Variants in DENND2B observed in about 807,000 individuals in gnomAD.
DENND2B encodes DENN domain-containing protein 2B.
DENND2B carries 32 observed loss-of-function variants against 116.0 expected under a neutral mutation model. The observed-to-expected ratio is 0.28, with a 90% CI of 0.21 to 0.37. The LOEUF (loss-of-function observed/expected upper bound fraction) is 0.37, where lower values mean the gene tolerates loss of function less well. Among genes scored for constraint, DENND2B ranks in the 10% least tolerant of loss-of-function variants. The pLI, the probability that DENND2B is intolerant of heterozygous loss-of-function variation, is 1.00. For synonymous variants in DENND2B, 588 were observed against 583.9 expected, an observed-to-expected ratio of 1.01 and a Z score of -0.10; for missense variants, 1,276 against 1,477.7, an observed-to-expected ratio of 0.86 and a Z score of 2.24.
intron 1 of DENND2B, among the ~76,000 whole-genome samples, chr11:8,777,218 G>A (rs1593536134): frequency 6.6e-6 from 1 of 152,134 alleles, no homozygotes; most frequent in African/African-American, 2.4e-5. Flanking sequence ...GCTGCTATGA[G>A]CTTCCAGTGT....
intron 1 of DENND2B, among the ~76,000 whole-genome samples, chr11:8,884,282 A>G (rs1375676224): frequency 4.5e-5 from 1 of 22,392 alleles, no homozygotes; most frequent in African/African-American, 5.3e-5. Flanking sequence ...CTACTAACAG[A>G]AAAAAAAAAA....
chr11:8,831,375 G>A lies in DENND2B; in HGVS notation c.-115+7935C>T, dbSNP rs367747716. On this transcript the variant is annotated intron_variant, in intron 4 of 6. Coordinates refer to the DENND2B transcript ENST00000524757. ...TAAACCCACCTTCCCCACTACTCCT[G>A]GCTTCTGGCCACTCGGGAGCAAATA... 1.2e-3 allele frequency among the ~76,000 whole-genome samples: 189 copies of A among 152,226 alleles called. 4 individuals are homozygous for A. The South Asian group carries it at 0.037, about 30-fold the overall frequency.
At chr11:8,709,929 G>C (rs963292209) in intron 11 of DENND2B, among the ~76,000 whole-genome samples, 23 of 152,142 alleles carry the variant, frequency 1.5e-4, no homozygotes, top group Non-Finnish European at 1.8e-4. Flanking sequence ...CCTCGAGAGG[G>C]AGATCCATGT....
chr11:8,876,098 A>T (rs575780144), upstream of DENND2B, among the ~76,000 whole-genome samples: 1 of 152,320 alleles, frequency 6.6e-6, no homozygotes, highest in South Asian at 2.1e-4. Flanking sequence ...ATTAAGATAT[A>T]CTATAGGCCG....
chr11:8,726,144 T>G lies in DENND2B; in HGVS notation c.1406A>C (p.Asn469Thr). The G allele has an allele frequency of 3.7e-6, 6 of 1,614,174 alleles. No individual in the cohort carries two copies. Among genetic ancestry groups the G allele is most frequent in the Non-Finnish European group, 5.1e-6 (6 of 1,180,012 alleles). The change falls in exon 4 of 20, where the codon AAT becomes ACT. Residue 469 changes from asparagine (N) to threonine (T), a missense_variant. By Grantham distance (65) the Asn-to-Thr change is moderately conservative. Coordinates refer to ENST00000313726, the MANE Select transcript of DENND2B (RefSeq NM_213618.2). ...AAACTTGGGTTGGTTCTCAGTACCA[T>G]TCTCAGTGGGAGAAGAGGGGTACAG... ...QSLYPSSPTE[N>T]GTENQPKFGS...
chr11:8,780,795 T>C (rs2058295806), intron 1 of DENND2B, among the ~76,000 whole-genome samples: 2 of 152,138 alleles, frequency 1.3e-5, no homozygotes, highest in African/African-American at 4.8e-5. Context: ...GTTCAAGTGG[T>C]CCACGAGGGC....
chr11:8,714,140 T>A, intron 7 of DENND2B, 98 bp from the exon 8 acceptor site: 1 of 1,245,724 alleles, frequency 8.0e-7, no homozygotes, highest in Non-Finnish European at 1.2e-6. Flanking sequence ...GATGGATCTC[T>A]ACCTTCTCTG....
At position 8,730,834 on chromosome 11, in the gene DENND2B, C is replaced by T. The variant is rs1223409087; in HGVS notation, c.456G>A (p.Leu152=). The change falls in exon 3 of 20, where the codon CTG becomes CTA. Residue 152 remains leucine, a synonymous_variant. Coordinates refer to ENST00000313726, the MANE Select transcript of DENND2B (RefSeq NM_213618.2). This position sits in a 1 kb window ranked among gnomAD's most constrained non-coding sequence, Gnocchi z 4.1. Reference sequence around the variant, plus strand: ...TGTGGGCGCGGGTACCGGTACGGGTCAGCAAGACGCCCCGGGGGCCAGCTG... The same window carrying T: ...TGTGGGCGCGGGTACCGGTACGGGTTAGCAAGACGCCCCGGGGGCCAGCTG... ...GPAAGPRGVL[L]TRTGTRAHSL... 6.2e-7 allele frequency: 1 copy of T among 1,613,286 alleles called. No homozygotes were observed. Among genetic ancestry groups the T allele is most frequent in the East Asian group, 2.2e-5 (1 of 44,856 alleles).
chr11:8,881,736 TCAC>T (rs2134728578), intron 1 of DENND2B, among the ~76,000 whole-genome samples: 1 of 152,282 alleles, frequency 6.6e-6, no homozygotes, highest in East Asian at 1.9e-4. Flanking sequence ...AGACAGGATT[TCAC>T]CACGTTGGCC....
At chr11:8,749,570 G>A (rs1456948639) in intron 2 of DENND2B, among the ~76,000 whole-genome samples, 1 of 152,172 alleles carries the variant, frequency 6.6e-6, no homozygotes, top group Non-Finnish European at 1.5e-5. Flanking sequence ...CACTCCCCAG[G>A]GGCTACATCC....
chr11:8,868,872 TTC>T (rs746189819), intron 2 of DENND2B, among the ~76,000 whole-genome samples: 9 of 152,212 alleles, frequency 5.9e-5, no homozygotes, highest in Non-Finnish European at 1.2e-4. Flanking sequence ...AGCTTTATAA[TTC>T]TTAGATTCTA....
At chr11:8,716,071 T>C in intron 5 of DENND2B, among the ~76,000 whole-genome samples, 1 of 152,222 alleles carries the variant, frequency 6.6e-6, no homozygotes, top group East Asian at 1.9e-4. Flanking sequence ...TAAAAACACC[T>C]GTGCTCTCAT....
At chr11:8,902,823 G>C (rs2064186166) in intron 1 of DENND2B, among the ~76,000 whole-genome samples, 1 of 152,178 alleles carries the variant, frequency 6.6e-6, no homozygotes. Flanking sequence ...TTGGATCTAA[G>C]CCAGTCTGAC....
chr11:8,733,959 C>A (rs960418741), intron 2 of DENND2B, among the ~76,000 whole-genome samples: 4 of 152,184 alleles, frequency 2.6e-5, no homozygotes. Flanking sequence ...CTGGGACCCA[C>A]GGCTTCACGT....
chr11:8,906,768 A>T (rs2064244248), intron 1 of DENND2B, among the ~76,000 whole-genome samples: 1 of 152,250 alleles, frequency 6.6e-6, no homozygotes, highest in Non-Finnish European at 1.5e-5. Flanking sequence ...CCAATAACCC[A>T]GTGAGATGAT....
chr11:8,695,743 G>T lies in DENND2B; in HGVS notation c.3293-194C>A, dbSNP rs551610555. 1,016 of 586,900 alleles carry T rather than the reference G, an allele frequency of 1.7e-3. 3 individuals are homozygous for T. Among genetic ancestry groups the T allele is most frequent in the Non-Finnish European group, 2.6e-3 (866 of 330,056 alleles). 36.4% of individuals were successfully genotyped at this position (586,900 alleles called of 1,614,324 possible). On this transcript the variant is annotated intron_variant, in intron 18 of 19. Transcript: ENST00000313726. The stretch of plus-strand genomic sequence containing the variant: ...CGATCATTAGTGACATCTTGCCGGG[G>T]TTTGCTGCTGCCACCCTGCCTCCCC...
At chr11:8,698,625 C>A (rs1473603045) in intron 16 of DENND2B, among the ~76,000 whole-genome samples, 1 of 152,192 alleles carries the variant, frequency 6.6e-6, no homozygotes, top group Non-Finnish European at 1.5e-5. Flanking sequence ...CTTTAGAGCT[C>A]AGAAGAATTT....
chr11:8,708,012 G>A, intron 11 of DENND2B, 158 bp from the exon 12 acceptor site: 1 of 1,527,416 alleles, frequency 6.5e-7, no homozygotes, highest in Non-Finnish European at 8.8e-7. Context: ...CCAGAGCCCT[G>A]AAGGAACAGC....
intron 9 of DENND2B, 78 bp from the exon 10 acceptor site, chr11:8,711,309 G>A: frequency 3.2e-6 from 4 of 1,266,774 alleles, no homozygotes; most frequent in South Asian, 2.4e-5. Context: ...CTCCTCCCCT[G>A]AGGGCCCTAG....
Sources: allele counts gnomAD v4.1 joint callset (sites outside exome capture counted in the v4.1 genomes callset), GRCh38; gene constraint gnomAD v4.1.1; non-coding constraint Gnocchi (gnomAD v3.1); transcripts MANE v1.5; gene names NCBI Gene and HGNC (gene_info 2026-07-23, HGNC 2026-07-21).